Variants in TGIF1 observed in about 807,000 individuals in gnomAD.
The protein encoded by TGIF1 is TGFB induced factor homeobox 1.
Under a neutral mutation model 19.3 loss-of-function variants are expected in TGIF1, and 4 were observed. The ratio of observed to expected loss-of-function variants is 0.21; its 90% confidence interval spans 0.10 to 0.47. TGIF1 has a LOEUF of 0.47. TGIF1 is among the 20% of genes least tolerant of loss of function. TGIF1 has a pLI of 0.98. For missense variants in TGIF1, 275 were observed against 341.4 expected (o/e 0.81, Z 1.53); for synonymous variants, 122 against 129.3 (o/e 0.94, Z 0.38).
upstream of TGIF1, chr18:3,448,201 A>G (rs1038448983): frequency 1.1e-5 from 11 of 985,188 alleles, no homozygotes; most frequent in East Asian, 2.3e-4. Context: ...GCCCGGTTCC[A>G]GACGAGGCTC....
Position 3,450,272 on chromosome 18 carries a change from A to G in TGIF1, c.-218A>G. The G allele has an allele frequency of 1.4e-6, 2 of 1,434,208 alleles. No individual in the cohort carries two copies. The highest frequency in any genetic ancestry group is 1.8e-6 in the Non-Finnish European group (2 of 1,097,096). The allele number at this position is 1,434,208 out of a possible 1,614,324, so 88.8% of individuals were successfully genotyped here. The stretch of plus-strand genomic sequence containing the variant: ...GAGGGAGAGCCCCCGGCCGGCTGCC[A>G]GAAGATCCCGGCGGGAGGAAGCCCA... On this transcript the variant is annotated 5_prime_UTR_variant, in exon 1 of 3. Transcript: ENST00000343820.
At chr18:3,447,705 T>G, upstream of TGIF1, 1 of 1,613,888 alleles carries the variant, frequency 6.2e-7, no homozygotes, top group Non-Finnish European at 8.5e-7. Context: ...TGTTTCTCTT[T>G]GGAGTGCCTC....
At chr18:3,417,831 G>T (rs1407012486) in intron 1 of TGIF1, among the ~76,000 whole-genome samples, 1 of 152,088 alleles carries the variant, frequency 6.6e-6, no homozygotes, top group Admixed American at 6.5e-5. Context: ...GGGTGCAGTG[G>T]CTCATGCCTG....
intron 2 of TGIF1, among the ~76,000 whole-genome samples, chr18:3,423,462 G>T (rs750359944): frequency 6.6e-6 from 1 of 151,980 alleles, no homozygotes; most frequent in Non-Finnish European, 1.5e-5. Context: ...GGCAGATCAC[G>T]AGGTCAGGAC....
chr18:3,438,514 C>G (rs535631471), intron 2 of TGIF1, among the ~76,000 whole-genome samples: 1 of 151,008 alleles, frequency 6.6e-6, no homozygotes, highest in East Asian at 2.0e-4. Flanking sequence ...GCTGTGCTGG[C>G]TAAAAACAGC....
upstream of TGIF1, chr18:3,448,077 G>A (rs867316651): frequency 1.0e-5 from 10 of 977,302 alleles, no homozygotes; most frequent in Non-Finnish European, 1.2e-5. Flanking sequence ...AGCGGGCGGG[G>A]GGGGAGGTAG....
At chr18:3,444,081 CGTGCCACCACT>C (rs2082709491) in intron 2 of TGIF1, among the ~76,000 whole-genome samples, 1 of 151,466 alleles carries the variant, frequency 6.6e-6, no homozygotes, top group Non-Finnish European at 1.5e-5. Flanking sequence ...ACTACAGGCG[CGTGCCACCACT>C]GTGCCACCAT....
chr18:3,417,322 G>C (rs2082345780), intron 1 of TGIF1, among the ~76,000 whole-genome samples: 1 of 151,498 alleles, frequency 6.6e-6, no homozygotes, highest in South Asian at 2.1e-4. Context: ...ACCGCGTCCG[G>C]CTAATTTTTG....
upstream of TGIF1, chr18:3,450,168 T>A (rs935937222): frequency 7.9e-5 from 102 of 1,293,942 alleles, no homozygotes; most frequent in Non-Finnish European, 9.7e-5. Flanking sequence ...TCCTCGCCTC[T>A]CTCACTCTGA....
chr18:3,422,022 C>T (rs558186177), intron 2 of TGIF1, among the ~76,000 whole-genome samples: 23 of 151,776 alleles, frequency 1.5e-4, no homozygotes, highest in African/African-American at 4.6e-4. Flanking sequence ...GGTGAAACCC[C>T]GTCTCTACTA....
At chr18:3,430,051 G>T (rs989765641) in intron 2 of TGIF1, among the ~76,000 whole-genome samples, 1 of 152,228 alleles carries the variant, frequency 6.6e-6, no homozygotes, top group South Asian at 2.1e-4. Flanking sequence ...AGATACTCGG[G>T]AGGCTGAGGC....
chr18:3,449,428 C>G, upstream of TGIF1: 1 of 985,424 alleles, frequency 1.0e-6, no homozygotes, highest in Non-Finnish European at 1.2e-6. Flanking sequence ...GTGAGCGTGA[C>G]AAGTGTCTGT....
In TGIF1 at chr18:3,458,197, T is replaced by C; in HGVS notation, c.*257T>C. 2.2e-6 allele frequency: 1 copy of C among 450,238 alleles called. No individual in the cohort carries two copies. The highest frequency in any genetic ancestry group is 3.9e-6 in the Non-Finnish European group (1 of 258,924). The allele number at this position is 450,238 out of a possible 1,614,324, so 27.9% of individuals were successfully genotyped here. A position where few individuals can be genotyped will look rare whatever the true frequency, so the allele number is the denominator to read the frequency against. ...TCATAATGTGAGATGGTTCCCAATA[T>C]CATGTGATTTTTTTTTTCCTCCCCT... On this transcript the variant is annotated 3_prime_UTR_variant, in exon 3 of 3. Coordinates refer to ENST00000343820, the MANE Select transcript of TGIF1 (RefSeq NM_003244.4).
At chr18:3,422,926 TGA>T (rs1276849390) in intron 2 of TGIF1, among the ~76,000 whole-genome samples, 1 of 152,060 alleles carries the variant, frequency 6.6e-6, no homozygotes, top group East Asian at 1.9e-4. Context: ...CCTGACCTCA[TGA>T]TCCACCTGCC....
intron 2 of TGIF1, among the ~76,000 whole-genome samples, chr18:3,437,187 C>T (rs1476635918): frequency 6.6e-6 from 1 of 152,124 alleles, no homozygotes; most frequent in Admixed American, 6.6e-5. Flanking sequence ...TTTGCACATC[C>T]TCCAAACCTT....
chr18:3,457,942 C>G lies in TGIF1; in HGVS notation c.*2C>G. On this transcript the variant is annotated 3_prime_UTR_variant, in exon 3 of 3. Coordinates refer to ENST00000343820, the MANE Select transcript of TGIF1 (RefSeq NM_003244.4). This position sits in a 1 kb window ranked among gnomAD's most constrained non-coding sequence, Gnocchi z 4.9. ...CTTCAGGCAAAACTTACAGCTTAAC[C>G]CATTTTCAAGCAAAACAGTTCTCAG... 6.3e-7 allele frequency: 1 copy of G among 1,599,842 alleles called. No homozygotes were observed. The highest frequency in any genetic ancestry group is 8.5e-7 in the Non-Finnish European group (1 of 1,179,790).
intron 2 of TGIF1, among the ~76,000 whole-genome samples, chr18:3,424,719 C>T (rs2082446738): frequency 6.6e-6 from 1 of 152,130 alleles, no homozygotes; most frequent in South Asian, 2.1e-4. Flanking sequence ...CACCAATGGC[C>T]AATGATGTAA....
intron 2 of TGIF1, among the ~76,000 whole-genome samples, chr18:3,432,765 G>T (rs529015185): frequency 1.2e-3 from 171 of 146,142 alleles, no homozygotes; most frequent in African/African-American, 4.0e-3. Context: ...TTTTTTGTTT[G>T]TTTTTTTTTT....
At chr18:3,415,583 AG>A (rs2082322083) in intron 1 of TGIF1, 1 of 249,172 alleles carries the variant, frequency 4.0e-6, no homozygotes. Flanking sequence ...GGCGGTTCTC[AG>A]GAACATGCCC....
Sources: gnomAD v4.1 joint callset for allele counts (sites outside exome capture counted in the v4.1 genomes callset) on GRCh38, gnomAD v4.1.1 for gene constraint, Gnocchi (gnomAD v3.1) non-coding constraint, MANE v1.5 for transcripts, NCBI Gene and HGNC (gene_info 2026-07-23, HGNC 2026-07-21) for gene names.